The following FBN1 variants were observed in gnomAD, a reference collection of about 807,000 sequenced individuals.
FBN1 encodes the protein fibrillin 1, also known as fibrillin-1.
FBN1 carries 29 observed loss-of-function variants against 365.1 expected under a neutral mutation model. That is an observed-to-expected ratio of 0.08 (90% CI 0.06 to 0.11). FBN1 has a LOEUF of 0.11. Ranked by LOEUF, FBN1 falls within the 10% of genes least tolerant of loss-of-function variation. The pLI, the probability that FBN1 is intolerant of heterozygous loss-of-function variation, is 1.00. For missense variants in FBN1, 2,476 were observed against 3,703.2 expected (o/e 0.67, Z 8.60); for synonymous variants, 1,210 against 1,270.5 (o/e 0.95, Z 1.01).
At chr15:48,513,082 A>T (rs1468582906) in intron 13 of FBN1, among the ~76,000 whole-genome samples, 1 of 152,196 alleles carries the variant, frequency 6.6e-6, no homozygotes, top group Non-Finnish European at 1.5e-5. Context: ...CTGTGGTGGA[A>T]CCTGAGATTC....
At chr15:48,534,059 G>T (rs774544831) in intron 8 of FBN1, 21 bp downstream of exon 8, 3 of 1,612,584 alleles carry the variant, frequency 1.9e-6, no homozygotes, top group Non-Finnish European at 2.5e-6. Flanking sequence ...CCCCCCAACT[G>T]CAAAGCATAA....
chr15:48,520,791 C>G lies in FBN1; in HGVS notation c.1015G>C (p.Ala339Pro). 6.2e-7 allele frequency: 1 copy of G among 1,614,176 alleles called. No individual in the cohort carries two copies. Among genetic ancestry groups the G allele is most frequent in the Non-Finnish European group, 8.5e-7 (1 of 1,180,030 alleles). The change falls in exon 10 of 66, where the codon GCT becomes CCT. Residue 339 changes from alanine (A) to proline (P), a missense_variant. Transcript: ENST00000316623. ...IDVRPGYCYT[A>P]LTNGRCSNQL... ...TTAGAGCAGCGCCCGTTTGTCAGAG[C>G]TGTGTAACAGTATCCTGGGCGAACA...
intron 2 of FBN1, among the ~76,000 whole-genome samples, chr15:48,637,272 C>T (rs1382927284): frequency 2.0e-5 from 3 of 152,216 alleles, no homozygotes; most frequent in Non-Finnish European, 2.9e-5. Context: ...CCCTTCACAC[C>T]TCTACCCAGT....
At chr15:48,492,309 G>T in intron 24 of FBN1, 152 bp downstream of exon 24, 1 of 681,426 alleles carries the variant, frequency 1.5e-6, no homozygotes, top group Non-Finnish European at 2.6e-6. Flanking sequence ...TTGAAAGACT[G>T]TCAAAGGAGT....
At chr15:48,429,615 T>C (rs1031099271) in intron 56 of FBN1, among the ~76,000 whole-genome samples, 1 of 152,148 alleles carries the variant, frequency 6.6e-6, no homozygotes, top group Non-Finnish European at 1.5e-5. Flanking sequence ...CCCAGAACAA[T>C]TCAATCAGAA....
intron 48 of FBN1, 104 bp from the exon 49 acceptor site, chr15:48,444,764 G>A: frequency 8.0e-7 from 1 of 1,246,722 alleles, no homozygotes; most frequent in Non-Finnish European, 1.2e-6. Flanking sequence ...AATACATAAA[G>A]CAAATTAAAG....
At chr15:48,511,057 G>A (rs1369768630) in intron 13 of FBN1, among the ~76,000 whole-genome samples, 1 of 152,182 alleles carries the variant, frequency 6.6e-6, no homozygotes, top group African/African-American at 2.4e-5. Flanking sequence ...ACTATGTGGA[G>A]TTGGATGCGA....
rs547017777 is a variant in FBN1 at position 48,583,223 on chromosome 15, C to G, written c.538+13060G>C. Among the ~76,000 whole-genome samples the G allele has an allele frequency of 1.6e-4, 24 of 152,356 alleles. No homozygotes were observed. The South Asian group carries it at 4.1e-3, about 26-fold the overall frequency. On this transcript the variant is annotated intron_variant, in intron 6 of 65. Coordinates refer to ENST00000316623, the MANE Select transcript of FBN1 (RefSeq NM_000138.5). The stretch of plus-strand genomic sequence containing the variant: ...CATGATAGATAAACTCACACCTCCT[C>G]TCTTCGTCTTAGAACAATTTCTTTT...
rs2043467019 is a variant in FBN1 at position 48,481,750 on chromosome 15, A to G, written c.3869T>C (p.Ile1290Thr). The G allele has an allele frequency of 1.2e-6, 2 of 1,613,766 alleles. No homozygotes were observed. Among genetic ancestry groups the G allele is most frequent in the Non-Finnish European group, 1.7e-6 (2 of 1,179,666 alleles). ...DVNECDLNPN[I>T]CLSGTCENTK... ...GTTTTCACAGGTCCCACTTAGGCAG[A>G]TATTTGGATTCAGGTCACACTCATT... The change falls in exon 32 of 66, where the codon ATC becomes ACC. Residue 1290 changes from isoleucine to threonine, a missense_variant. This residue lies in a region of FBN1 where 1,780 missense variants were observed against 2,840.8 expected (regional missense o/e 0.63). Transcript: ENST00000316623.
chr15:48,512,985 G>A (rs1479779271), intron 13 of FBN1, among the ~76,000 whole-genome samples: 1 of 152,060 alleles, frequency 6.6e-6, no homozygotes, highest in Non-Finnish European at 1.5e-5. Context: ...TTTATGAGGG[G>A]ACATTTATAG....
At chr15:48,623,968 A>ACACACAC (rs1889819907) in intron 2 of FBN1, among the ~76,000 whole-genome samples, 2 of 146,396 alleles carry the variant, frequency 1.4e-5, no homozygotes, top group African/African-American at 5.0e-5. Context: ...CAAAGACACA[A>ACACACAC]ACACACACAC....
At chr15:48,416,834 CCTTCT>C (rs755699212) in intron 63 of FBN1, 1 of 152,174 alleles carries the variant, frequency 6.6e-6, no homozygotes, top group Non-Finnish European at 1.5e-5. Flanking sequence ...GATAGATTGG[CCTTCT>C]CTTCACTTAG....
At chr15:48,485,265 G>A in intron 30 of FBN1, 109 bp downstream of exon 30, 2 of 1,397,312 alleles carry the variant, frequency 1.4e-6, no homozygotes, top group South Asian at 1.2e-5. Flanking sequence ...TAAAATATAT[G>A]ACAAACAAGG....
At position 48,429,045 on chromosome 15, in the gene FBN1, A is replaced by G. The variant is rs563336519; in HGVS notation, c.6872-574T>C. Among the ~76,000 whole-genome samples the G allele has an allele frequency of 4.6e-5, 7 of 152,300 alleles. No individual in the cohort carries two copies. In the East Asian group the frequency reaches 1.3e-3, roughly 29 times the overall value. On this transcript the variant is annotated intron_variant, in intron 56 of 65. Coordinates refer to ENST00000316623, the MANE Select transcript of FBN1 (RefSeq NM_000138.5). ...TGTGTGTGTGCACTTCAGATCTTTT[A>G]AAAGCCTAACTGATAGCATTTTATA...
At chr15:48,547,730 C>T (rs1447790739) in intron 6 of FBN1, among the ~76,000 whole-genome samples, 1 of 62,154 alleles carries the variant, frequency 1.6e-5, no homozygotes, top group Non-Finnish European at 2.7e-5. Context: ...TTCACACACA[C>T]ACACACACAC....
At chr15:48,520,574 C>T in intron 10 of FBN1, 85 bp downstream of exon 10, 3 of 1,510,468 alleles carry the variant, frequency 2.0e-6, no homozygotes, top group Non-Finnish European at 1.8e-6. Context: ...ACCCAAGTTT[C>T]CATTACATCT....
intron 23 of FBN1, among the ~76,000 whole-genome samples, chr15:48,492,906 T>C (rs780099944): frequency 6.6e-6 from 1 of 152,218 alleles, no homozygotes; most frequent in East Asian, 1.9e-4. Context: ...GCAATATAAT[T>C]TGCTTTATGA....
intron 64 of FBN1, 39 bp from the exon 65 acceptor site, chr15:48,412,782 TG>T: frequency 6.2e-7 from 1 of 1,611,940 alleles, no homozygotes; most frequent in Non-Finnish European, 8.5e-7. Context: ...TTCATTAGAA[TG>T]GGAAGACAAG....
At chr15:48,616,900 G>A (rs1889664413) in intron 2 of FBN1, among the ~76,000 whole-genome samples, 1 of 151,950 alleles carries the variant, frequency 6.6e-6, no homozygotes, top group Non-Finnish European at 1.5e-5. Flanking sequence ...TTGTTATAAT[G>A]TTTAACACTA....
Sources: allele counts gnomAD v4.1 joint callset (sites outside exome capture counted in the v4.1 genomes callset), GRCh38; gene constraint gnomAD v4.1.1; regional missense constraint gnomAD v4.1.1; transcripts MANE v1.5; gene names NCBI Gene and HGNC (gene_info 2026-07-23, HGNC 2026-07-21).